The following PCDHA4 variants were observed in gnomAD, a reference collection of about 807,000 sequenced individuals.
PCDHA4 encodes the protein protocadherin alpha-4.
A neutral mutation model predicts 61.4 loss-of-function variants in PCDHA4; 49 were observed. That is an observed-to-expected ratio of 0.80 (90% CI 0.63 to 1.01). The LOEUF (loss-of-function observed/expected upper bound fraction) is 1.01, where lower values mean the gene tolerates loss of function less well. Among genes scored for constraint, PCDHA4 ranks in the 50% least tolerant of loss-of-function variants. PCDHA4 has a pLI of 0.00. For missense variants in PCDHA4, 1,254 were observed against 1,235.8 expected (o/e 1.01, Z -0.22); for synonymous variants, 590 against 550.3 (o/e 1.07, Z -1.01).
chr5:140,843,813 T>A, intron 1 of PCDHA4: 3 of 1,270,692 alleles, frequency 2.4e-6, no homozygotes, highest in Non-Finnish European at 3.3e-6. Flanking sequence ...TATTTTATAG[T>A]GAAAATTTAA....
Position 141,011,329 on chromosome 5 carries a change from T to G in PCDHA4, c.*1392T>G, listed in dbSNP as rs924246191. 6.5e-6 allele frequency: 1 copy of G among 153,804 alleles called. No homozygotes were observed. Among genetic ancestry groups the G allele is most frequent in the African/African-American group, 2.4e-5 (1 of 41,472 alleles). 9.5% of individuals were successfully genotyped at this position (153,804 alleles called of 1,614,324 possible). ...TTGCTAATCTTACTAACACCTATGA[T>G]GTTACCTGAAATCAATCTCCCATAT... is the stretch of plus-strand genomic sequence containing the variant. On this transcript the variant is annotated 3_prime_UTR_variant, in exon 4 of 4. Coordinates refer to ENST00000530339, the MANE Select transcript of PCDHA4 (RefSeq NM_018907.4).
At chr5:140,866,702 C>T (rs251370) in intron 1 of PCDHA4, 67,860 of 151,870 alleles carry the variant, frequency 0.45, 15,551 homozygotes, top group South Asian at 0.58. Flanking sequence ...CAGTGGATGA[C>T]GTGCACTAGT....
intron 1 of PCDHA4, chr5:140,883,594 G>T: frequency 1.9e-6 from 3 of 1,614,032 alleles, no homozygotes; most frequent in Non-Finnish European, 2.5e-6. Context: ...CCAGCGTGTC[G>T]GTGGGGGTGG....
chr5:140,837,156 A>G (rs1554136407), intron 1 of PCDHA4: 1 of 153,056 alleles, frequency 6.5e-6, no homozygotes, highest in Non-Finnish European at 1.5e-5. Context: ...TTTATAAAAT[A>G]TAGCTGTGTC....
At chr5:140,983,641 C>T (rs1030470329) in intron 3 of PCDHA4, among the ~76,000 whole-genome samples, 4 of 152,164 alleles carry the variant, frequency 2.6e-5, no homozygotes, top group Admixed American at 1.3e-4. Flanking sequence ...CCCAAGTTCA[C>T]GTAGCTTGTA....
intron 1 of PCDHA4, 66 bp from the exon 2 acceptor site, chr5:140,978,883 T>C: frequency 6.2e-7 from 1 of 1,611,182 alleles, no homozygotes; most frequent in Non-Finnish European, 8.5e-7. Flanking sequence ...ACTAATCAAT[T>C]AGCAGCATTC....
chr5:140,851,390 C>T (rs1410826615), intron 1 of PCDHA4: 3 of 973,626 alleles, frequency 3.1e-6, no homozygotes, highest in East Asian at 2.2e-4. Flanking sequence ...CCTTCAGTAT[C>T]TATTATTTTA....
chr5:140,893,110 G>A (rs2063824937), intron 1 of PCDHA4, among the ~76,000 whole-genome samples: 1 of 152,124 alleles, frequency 6.6e-6, no homozygotes, highest in South Asian at 2.1e-4. Context: ...ATATTCCGTT[G>A]TGCATATACA....
At chr5:140,876,561 T>G in intron 1 of PCDHA4, 2 of 1,614,162 alleles carry the variant, frequency 1.2e-6, no homozygotes, top group Non-Finnish European at 1.7e-6. Flanking sequence ...AAGAGGATGC[T>G]CAGGTGGGTA....
chr5:140,960,402 G>C (rs2095546836), intron 1 of PCDHA4, among the ~76,000 whole-genome samples: 1 of 152,026 alleles, frequency 6.6e-6, no homozygotes, highest in African/African-American at 2.4e-5. Flanking sequence ...GCAAGGGGGG[G>C]TGCCCAAAAA....
Position 140,808,038 on chromosome 5 carries a change from A to G in PCDHA4, c.851A>G (p.Asp284Gly). 1 of 1,614,054 alleles carries G rather than the reference A, an allele frequency of 6.2e-7. No individual in the cohort carries two copies. The highest frequency in any genetic ancestry group is 1.1e-5 in the South Asian group (1 of 91,082). Residue 284 changes from aspartate (D) to glycine (G), a missense_variant, in exon 1 of 4, where the codon GAT (aspartate) becomes GGT (glycine). Physicochemically the swap from Asp to Gly is moderately conservative, Grantham distance 94. Transcript: ENST00000530339. ...GACATTGTTTATTCATTCTCAAATG[A>G]TATTTCGCCAAATGTGAAATCCAAG... ...NGDIVYSFSN[D>G]ISPNVKSKFH...
intron 1 of PCDHA4, among the ~76,000 whole-genome samples, chr5:140,818,327 G>A (rs2150100834): frequency 0.059 from 8,913 of 152,042 alleles, 865 homozygotes; most frequent in African/African-American, 0.2. Context: ...ATTTTATCTT[G>A]TTATTCTAGG....
intron 1 of PCDHA4, chr5:140,871,299 G>A (rs782459625): frequency 1.9e-6 from 3 of 1,613,916 alleles, no homozygotes; most frequent in South Asian, 1.1e-5. Context: ...GCGCGTGCGC[G>A]CCGGGGAAGC....
intron 1 of PCDHA4, among the ~76,000 whole-genome samples, chr5:140,826,351 C>A (rs1284883588): frequency 6.6e-6 from 1 of 151,972 alleles, no homozygotes; most frequent in African/African-American, 2.4e-5. Context: ...CCTTTGTTTG[C>A]CCAAAATAAC....
intron 1 of PCDHA4, among the ~76,000 whole-genome samples, chr5:140,886,682 G>A (rs181377286): frequency 6.6e-6 from 1 of 151,618 alleles, no homozygotes. Context: ...AAAAATTAGC[G>A]AGGCATGGTG....
chr5:140,869,330 A>G (rs1554162906), intron 1 of PCDHA4: 25 of 1,613,778 alleles, frequency 1.5e-5, no homozygotes, highest in Non-Finnish European at 2.0e-5. Context: ...GACCTTCTGG[A>G]GGTAAATCTG....
At chr5:140,839,492 T>A (rs1240592123) in intron 1 of PCDHA4, among the ~76,000 whole-genome samples, 2 of 151,944 alleles carry the variant, frequency 1.3e-5, no homozygotes, top group Non-Finnish European at 2.9e-5. Context: ...TGGGCTCAAG[T>A]GATCTTCCTA....
chr5:140,885,641 T>G (rs917089389), intron 1 of PCDHA4, among the ~76,000 whole-genome samples: 10 of 152,200 alleles, frequency 6.6e-5, no homozygotes, highest in Admixed American at 6.5e-4. Context: ...GCCTTCCAAG[T>G]ATTTTGGAAC....
In PCDHA4 at chr5:140,863,213, A is replaced by C. The variant is rs1554157955; in HGVS notation, c.2385+53641A>C. 2.9e-6 allele frequency: 3 copies of C among 1,051,332 alleles called. No individual in the cohort carries two copies. The South Asian group carries it at 3.7e-5, about 13-fold the overall frequency. The allele number at this position is 1,051,332 out of a possible 1,614,324, so 65.1% of individuals were successfully genotyped here. On this transcript the variant is annotated intron_variant, in intron 1 of 3. Transcript: ENST00000530339. ...GTGGCGTCGCTGGCGGAGAGCAGCC[A>C]AGCGAGGAAGGTCCCATCGCGGGCT... is the stretch of plus-strand genomic sequence containing the variant.
Sources: gnomAD v4.1 joint callset for allele counts (sites outside exome capture counted in the v4.1 genomes callset) on GRCh38, gnomAD v4.1.1 for gene constraint, MANE v1.5 for transcripts, NCBI Gene and HGNC (gene_info 2026-07-23, HGNC 2026-07-21) for gene names.